The following SLAMF6 variants were observed in gnomAD, a reference collection of about 807,000 sequenced individuals.
The protein encoded by SLAMF6 is NK-T-B-antigen.
In SLAMF6, 21 loss-of-function variants were observed where a neutral mutation model predicts 38.3. The observed-to-expected ratio is 0.55, with a 90% confidence interval of 0.39 to 0.79. SLAMF6 has a LOEUF of 0.79. SLAMF6 is among the 30% of genes least tolerant of loss of function. SLAMF6 has a pLI of 0.00. For missense variants in SLAMF6, 341 were observed against 385.3 expected, an observed-to-expected ratio of 0.89 and a Z score of 0.96; for synonymous variants, 152 against 146.3, an observed-to-expected ratio of 1.04 and a Z score of -0.28.
In SLAMF6 at chr1:160,489,147, A is replaced by G; in HGVS notation, c.820T>C (p.Tyr274His). 1.2e-6 allele frequency: 2 copies of G among 1,613,762 alleles called. No individual in the cohort carries two copies. Among genetic ancestry groups the G allele is most frequent in the Middle Eastern group, 1.7e-4 (1 of 6,060 alleles). ...TTGTTCGTTGGAGACACTGAAACATACTCTAGGTTCCTTGCGGACTCTGCT... is the reference window on the plus strand; with the variant it reads ...TTGTTCGTTGGAGACACTGAAACATGCTCTAGGTTCCTTGCGGACTCTGCT... ...GPAESARNLE[Y>H]VSVSPTNNTV... The change falls in exon 6 of 8, where the codon TAT (tyrosine) becomes CAT (histidine). Residue 274 changes from tyrosine to histidine, a missense_variant. Transcript: ENST00000368057.
intron 1 of SLAMF6, 95 bp from the exon 2 acceptor site, chr1:160,496,488 C>T (rs1348152631): frequency 8.4e-7 from 1 of 1,194,534 alleles, no homozygotes; most frequent in Non-Finnish European, 1.2e-6. Context: ...TCTGTTAGAG[C>T]TCTCTGATAC....
chr1:160,487,314 G>A, intron 6 of SLAMF6, 139 bp from the exon 7 acceptor site: 1 of 729,116 alleles, frequency 1.4e-6, no homozygotes, highest in East Asian at 2.7e-5. Flanking sequence ...ATGTTCAGTG[G>A]AAGACCAAGC....
intron 1 of SLAMF6, among the ~76,000 whole-genome samples, chr1:160,521,602 C>T (rs926094077): frequency 6.6e-6 from 1 of 152,046 alleles, no homozygotes; most frequent in Non-Finnish European, 1.5e-5. Flanking sequence ...AAGTTCTGTT[C>T]TCATTCCAGT....
chr1:160,522,106 C>T (rs1655009475), intron 1 of SLAMF6, among the ~76,000 whole-genome samples: 2 of 152,196 alleles, frequency 1.3e-5, no homozygotes, highest in Non-Finnish European at 2.9e-5. Flanking sequence ...GATGGGATCT[C>T]TTGCTTCAGT....
intron 1 of SLAMF6, among the ~76,000 whole-genome samples, chr1:160,509,343 T>C (rs1440128638): frequency 6.6e-6 from 1 of 152,230 alleles, no homozygotes; most frequent in East Asian, 1.9e-4. Context: ...GAAGAGCTCT[T>C]GTCCTTTGTA....
intron 5 of SLAMF6, 55 bp downstream of exon 5, chr1:160,490,143 C>G (rs769247537): frequency 1.3e-6 from 2 of 1,586,194 alleles, no homozygotes; most frequent in Non-Finnish European, 1.7e-6. Context: ...CTCTCTCTTC[C>G]ATTTGGCTCT....
chr1:160,497,254 CG>C (rs1653636662), intron 1 of SLAMF6, among the ~76,000 whole-genome samples: 1 of 152,192 alleles, frequency 6.6e-6, no homozygotes, highest in Non-Finnish European at 1.5e-5. Flanking sequence ...TAAGCAAAAA[CG>C]GTGAAATGGT....
At chr1:160,517,628 A>G (rs1360423529) in intron 1 of SLAMF6, among the ~76,000 whole-genome samples, 1 of 152,236 alleles carries the variant, frequency 6.6e-6, no homozygotes, top group Non-Finnish European at 1.5e-5. Flanking sequence ...GACAGACGAG[A>G]TAAAGAAAAT....
chr1:160,502,033 G>A (rs988525127), intron 1 of SLAMF6, among the ~76,000 whole-genome samples: 5 of 152,160 alleles, frequency 3.3e-5, no homozygotes, highest in African/African-American at 4.8e-5. Flanking sequence ...ATGAGACTTT[G>A]GACAGGAGCA....
At chr1:160,504,704 A>T (rs1654089279) in intron 1 of SLAMF6, among the ~76,000 whole-genome samples, 1 of 152,216 alleles carries the variant, frequency 6.6e-6, no homozygotes, top group Non-Finnish European at 1.5e-5. Flanking sequence ...TGAATAACCC[A>T]TCAATACCTG....
Position 160,493,436 on chromosome 1 carries a change from A to G in SLAMF6, c.383-2048T>C, listed in dbSNP as rs140813331. 9.9e-5 allele frequency among the ~76,000 whole-genome samples: 15 copies of G among 152,252 alleles called. No homozygotes were observed. The East Asian group carries it at 2.1e-3, about 22-fold the overall frequency. The stretch of plus-strand genomic sequence containing the variant: ...TTCTAATCTCTCCTTTGTTCATACC[A>G]TTCAGGGCTTTCTTACATGCTGTAT... On this transcript the variant is annotated intron_variant, in intron 2 of 7. Transcript: ENST00000368057.
intron 2 of SLAMF6, among the ~76,000 whole-genome samples, chr1:160,494,311 C>T (rs748966214): frequency 6.6e-6 from 1 of 152,124 alleles, no homozygotes; most frequent in African/African-American, 2.4e-5. Context: ...ATAAGTCATA[C>T]CTGGTCTTCT....
chr1:160,506,456 C>T (rs1654193415), intron 1 of SLAMF6, among the ~76,000 whole-genome samples: 1 of 152,062 alleles, frequency 6.6e-6, no homozygotes, highest in Non-Finnish European at 1.5e-5. Context: ...GAAGTTAAGA[C>T]ATTTGCAGAT....
At chr1:160,515,540 C>A (rs891006560) in intron 1 of SLAMF6, among the ~76,000 whole-genome samples, 1 of 152,076 alleles carries the variant, frequency 6.6e-6, no homozygotes, top group Non-Finnish European at 1.5e-5. Context: ...CAAAACCTGG[C>A]AGAGATACAA....
chr1:160,488,419 A>G (rs1653084092), intron 6 of SLAMF6, among the ~76,000 whole-genome samples: 1 of 152,174 alleles, frequency 6.6e-6, no homozygotes, highest in South Asian at 2.1e-4. Flanking sequence ...TTCCTGGCTT[A>G]TTTTTCAGAA....
intron 1 of SLAMF6, among the ~76,000 whole-genome samples, chr1:160,515,418 T>C (rs959283472): frequency 1.8e-4 from 28 of 152,336 alleles, no homozygotes; most frequent in South Asian, 8.3e-4. Context: ...AGCTGAATTC[T>C]ACTAGAGGTA....
At chr1:160,515,760 A>G (rs1015883405) in intron 1 of SLAMF6, among the ~76,000 whole-genome samples, 1 of 152,220 alleles carries the variant, frequency 6.6e-6, no homozygotes. Context: ...AAAACCACAG[A>G]TTATCTTAAT....
At chr1:160,487,500 G>C (rs1211182710) in intron 6 of SLAMF6, among the ~76,000 whole-genome samples, 2 of 152,128 alleles carry the variant, frequency 1.3e-5, no homozygotes, top group African/African-American at 4.8e-5. Context: ...CCATTTTTAA[G>C]AAAAAACTTA....
intron 1 of SLAMF6, among the ~76,000 whole-genome samples, chr1:160,521,976 C>A (rs1469651133): frequency 6.6e-6 from 1 of 152,126 alleles, no homozygotes; most frequent in East Asian, 1.9e-4. Flanking sequence ...GGAATTTTTG[C>A]TTGCTTTGTT....
Sources: allele counts gnomAD v4.1 joint callset (sites outside exome capture counted in the v4.1 genomes callset), GRCh38; gene constraint gnomAD v4.1.1; transcripts MANE v1.5; gene names NCBI Gene and HGNC (gene_info 2026-07-23, HGNC 2026-07-21).